IGFBP4: variants seen among roughly 807,000 people sequenced by gnomAD.
The protein encoded by IGFBP4 is insulin like growth factor binding protein 4.
IGFBP4 carries 9 observed loss-of-function variants against 25.8 expected under a neutral mutation model. That is an observed-to-expected ratio of 0.35 (90% CI 0.21 to 0.61). The LOEUF (loss-of-function observed/expected upper bound fraction) is 0.61. Among genes scored for constraint, IGFBP4 ranks in the 20% least tolerant of loss-of-function variants. The pLI is 0.77. For missense variants in IGFBP4, 315 were observed against 365.3 expected, an observed-to-expected ratio of 0.86 and a Z score of 1.12; for synonymous variants, 153 against 153.9, an observed-to-expected ratio of 0.99 and a Z score of 0.05.
chr17:40,444,918 CACACACACAGAGACAGAGAGAG>C (rs2035633829), intron 1 of IGFBP4, among the ~76,000 whole-genome samples: 9 of 84,158 alleles, frequency 1.1e-4, no homozygotes, highest in Non-Finnish European at 2.1e-4. Flanking sequence ...CACACACACA[CACACACACAGAGACAGAGAGAG>C]AGAGAGAGAG....
At chr17:40,454,929 T>C (rs767470154) in intron 3 of IGFBP4, among the ~76,000 whole-genome samples, 1 of 152,088 alleles carries the variant, frequency 6.6e-6, no homozygotes, top group African/African-American at 2.4e-5. Flanking sequence ...CCAGCAGAAG[T>C]CTAGATAGAA....
chr17:40,444,918 CACACACACAGAGACAG>C (rs2035633772), intron 1 of IGFBP4, among the ~76,000 whole-genome samples: 1 of 84,156 alleles, frequency 1.2e-5, no homozygotes, highest in African/African-American at 5.1e-5. Flanking sequence ...CACACACACA[CACACACACAGAGACAG>C]AGAGAGAGAG....
At chr17:40,444,922 CACACAGAGACAGAGAGAGAGAGAG>C (rs1316086473) in intron 1 of IGFBP4, among the ~76,000 whole-genome samples, 4,323 of 83,974 alleles carry the variant, frequency 0.051, 109 homozygotes, top group Non-Finnish European at 0.066. Context: ...CACACACACA[CACACAGAGACAGAGAGAGAGAGAG>C]AGAGAGAGAG....
chr17:40,445,870 C>T (rs1284422812), intron 1 of IGFBP4, among the ~76,000 whole-genome samples: 1 of 152,126 alleles, frequency 6.6e-6, no homozygotes, highest in Non-Finnish European at 1.5e-5. Flanking sequence ...CCTCCTCTCT[C>T]AGCACTTTGA....
rs1453921853 is a variant in IGFBP4 at position 40,453,908 on chromosome 17, T to TA, written c.508-20_508-19insA. 6.3e-7 allele frequency: 1 copy of TA among 1,588,752 alleles called. No homozygotes were observed. The highest frequency in any genetic ancestry group is 1.8e-5 in the Admixed American group (1 of 56,570). ...GCCTCTCTTCCTTCTGCTGAGCAAT[T>TA]TTGTCTTCCCCTCCTCCAGCCCCAG... On this transcript the variant is annotated intron_variant, in intron 2 of 3. Coordinates refer to ENST00000269593, the MANE Select transcript of IGFBP4 (RefSeq NM_001552.3). The surrounding 1 kb of genome is among the most constrained non-coding windows in gnomAD (Gnocchi z 4.0).
At chr17:40,454,694 G>C (rs2035705119) in intron 3 of IGFBP4, among the ~76,000 whole-genome samples, 1 of 152,178 alleles carries the variant, frequency 6.6e-6, no homozygotes, top group Admixed American at 6.5e-5. Context: ...GGAAGCTGGG[G>C]TCCTCTGACA....
At chr17:40,444,201 G>C in intron 1 of IGFBP4, 117 bp downstream of exon 1, 241 of 743,772 alleles carry the variant, frequency 3.2e-4, no homozygotes, top group Middle Eastern at 7.2e-4. Flanking sequence ...TGAAGAGAAG[G>C]CAGGTACGTG....
rs1389695003 is a variant in IGFBP4, at chr17:40,444,920, CACACACAGAG to C, written c.349+840_349+849del. Among the ~76,000 whole-genome samples the C allele has an allele frequency of 8.5e-4, 81 of 95,534 alleles. 1 individual carries two copies. The highest frequency in any genetic ancestry group is 4.3e-3 in the Middle Eastern group (1 of 230). 62.7% of individuals were successfully genotyped at this position (95,534 alleles called of 152,430 possible). Reference sequence around the variant, plus strand: ...ACACACACACACACACACACACACACACACACAGAGACAGAGAGAGAGAGAGAGAGAGAGA... The same window carrying C: ...ACACACACACACACACACACACACACACAGAGAGAGAGAGAGAGAGAGAGA... On this transcript the variant is annotated intron_variant, in intron 1 of 3. Coordinates refer to ENST00000269593, the MANE Select transcript of IGFBP4 (RefSeq NM_001552.3).
rs3055243 is a variant in IGFBP4 at position 40,453,179 on chromosome 17, G to GAC, written c.507+51_507+52dup. The GAC allele has an allele frequency of 0.85, 788,189 of 928,700 alleles. 323,885 individuals carry two copies. Among genetic ancestry groups the GAC allele is most frequent in the African/African-American group, 0.94 (54,503 of 57,754 alleles). The allele number at this position is 928,700 out of a possible 1,614,324, so 57.5% of individuals were successfully genotyped here. A position where few individuals can be genotyped will look rare whatever the true frequency, so the allele number is the denominator to read the frequency against. On this transcript the variant is annotated intron_variant, in intron 2 of 3. Transcript: ENST00000269593. The surrounding 1 kb of genome is among the most constrained non-coding windows in gnomAD (Gnocchi z 4.0). ...CGATGCACAAATGTGCATGTGCATA[G>GAC]ACACACACACACACATGCCCCCTGC...
rs201400987 is a variant in IGFBP4 at position 40,456,609 on chromosome 17, G to A, written c.*26G>A. 3.1e-5 allele frequency: 49 copies of A among 1,606,000 alleles called. 1 individual carries two copies. Among genetic ancestry groups the A allele is most frequent in the Non-Finnish European group, 3.7e-5 (44 of 1,176,848 alleles). ...GGCCTGCCAGCAGGCCAGGGACTCAGCGTCCCCTGCTACTCCTGTGCTCTG... is the reference window on the plus strand; with the variant it reads ...GGCCTGCCAGCAGGCCAGGGACTCAACGTCCCCTGCTACTCCTGTGCTCTG... On this transcript the variant is annotated 3_prime_UTR_variant, in exon 4 of 4. Coordinates refer to ENST00000269593, the MANE Select transcript of IGFBP4 (RefSeq NM_001552.3).
At chr17:40,454,681 C>A (rs1163329776) in intron 3 of IGFBP4, among the ~76,000 whole-genome samples, 1 of 152,200 alleles carries the variant, frequency 6.6e-6, no homozygotes, top group Non-Finnish European at 1.5e-5. Flanking sequence ...CCTTCCTGCC[C>A]TTGGAAGCTG....
In IGFBP4 at chr17:40,456,434, T is replaced by C. The variant is rs2143747969; in HGVS notation, c.643-15T>C. ...CCTGCGTCGGAACTGACCCCTCATG[T>C]CCTTCTCTTGGCAGTGTCACCCAGC... On this transcript the variant is annotated splice_polypyrimidine_tract_variant and intron_variant, in intron 3 of 3. Transcript: ENST00000269593. 6.2e-7 allele frequency: 1 copy of C among 1,614,010 alleles called. No individual in the cohort carries two copies. Among genetic ancestry groups the C allele is most frequent in the Non-Finnish European group, 8.5e-7 (1 of 1,179,960 alleles).
intron 1 of IGFBP4, among the ~76,000 whole-genome samples, chr17:40,449,621 C>T (rs1330997753): frequency 2.0e-5 from 3 of 152,008 alleles, no homozygotes; most frequent in Non-Finnish European, 4.4e-5. Flanking sequence ...TGGTAGCGGG[C>T]GCCTGTAGTC....
rs1289522713 is a variant in IGFBP4, at chr17:40,457,486, G to A, written c.*903G>A. The A allele has an allele frequency of 1.3e-5, 2 of 152,040 alleles. No individual in the cohort carries two copies. Among genetic ancestry groups the A allele is most frequent in the Non-Finnish European group, 2.9e-5 (2 of 68,054 alleles). 9.4% of individuals were successfully genotyped at this position (152,040 alleles called of 1,614,324 possible). A position where few individuals can be genotyped will look rare whatever the true frequency, so the allele number is the denominator to read the frequency against. ...CTGGGTCCTGTTCCCTACCCCATTT[G>A]TGGTCACAGCCATGAAGTCACCGGG... On this transcript the variant is annotated 3_prime_UTR_variant, in exon 4 of 4. Coordinates refer to ENST00000269593, the MANE Select transcript of IGFBP4 (RefSeq NM_001552.3).
rs1490491699 is a variant in IGFBP4, at chr17:40,443,888, G to C, written c.153G>C (p.Pro51=). The part of the protein sequence containing the change: ...PVGCEELVRE[P]GCGCCATCAL... ...GCTGCGAGGAGCTGGTGCGAGAGCC[G>C]GGCTGCGGCTGTTGCGCCACTTGCG... Residue 51 remains proline, a synonymous_variant, in exon 1 of 4, where the codon CCG becomes CCC. Transcript: ENST00000269593. The C allele has an allele frequency of 2.0e-6, 3 of 1,530,298 alleles. No individual in the cohort carries two copies. Among genetic ancestry groups the C allele is most frequent in the African/African-American group, 1.4e-5 (1 of 72,534 alleles). The allele number at this position is 1,530,298 out of a possible 1,614,324, so 94.8% of individuals were successfully genotyped here.
chr17:40,443,667 C>G lies in IGFBP4; in HGVS notation c.-69C>G. 1.1e-6 allele frequency: 1 copy of G among 891,688 alleles called. No individual in the cohort carries two copies. The highest frequency in any genetic ancestry group is 5.2e-5 in the South Asian group (1 of 19,190). The allele number at this position is 891,688 out of a possible 1,614,324, so 55.2% of individuals were successfully genotyped here. ...CGCTGCCGCCGTGTGCCCTCCGCCG[C>G]TCGCCCGCGCGCCCGCGCTCCCCGC... On this transcript the variant is annotated 5_prime_UTR_variant, in exon 1 of 4. Transcript: ENST00000269593.
intron 1 of IGFBP4, among the ~76,000 whole-genome samples, chr17:40,448,477 T>A (rs1314380726): frequency 6.6e-6 from 1 of 152,194 alleles, no homozygotes; most frequent in Non-Finnish European, 1.5e-5. Context: ...CCAAACAAGC[T>A]TTTTGGAGGT....
Position 40,452,847 on chromosome 17 carries a change from C to T in IGFBP4, c.350-138C>T, listed in dbSNP as rs748775996. ...GTAGGGGGCTGCTCTTGTTTCTTCC[C>T]GCTCCCCAGGCCCCCTGCTCTTCTC... On this transcript the variant is annotated intron_variant, in intron 1 of 3. Transcript: ENST00000269593. 9.8e-5 allele frequency: 60 copies of T among 612,664 alleles called. 1 individual carries two copies. The highest frequency in any genetic ancestry group is 3.8e-4 in the South Asian group (12 of 31,556). The allele number at this position is 612,664 out of a possible 1,614,324, so 38.0% of individuals were successfully genotyped here.
chr17:40,445,789 C>T (rs973618308), intron 1 of IGFBP4, among the ~76,000 whole-genome samples: 1 of 152,080 alleles, frequency 6.6e-6, no homozygotes, highest in Non-Finnish European at 1.5e-5. Flanking sequence ...AACAGAGTCA[C>T]GTTCCCTTTG....
Sources: allele counts gnomAD v4.1 joint callset (sites outside exome capture counted in the v4.1 genomes callset), GRCh38; gene constraint gnomAD v4.1.1; non-coding constraint Gnocchi (gnomAD v3.1); transcripts MANE v1.5; gene names NCBI Gene and HGNC (gene_info 2026-07-23, HGNC 2026-07-21).